The following DNAJC17 variants were observed in gnomAD, a reference collection of about 807,000 sequenced individuals.
DNAJC17 encodes the protein DnaJ heat shock protein family (Hsp40) member C17.
DNAJC17 carries 35 observed loss-of-function variants against 48.1 expected under a neutral mutation model. That is an observed-to-expected ratio of 0.73 (90% CI 0.56 to 0.96). The LOEUF is 0.96. Among genes scored for constraint, DNAJC17 ranks in the 50% least tolerant of loss-of-function variants. The pLI is 0.00. For missense variants in DNAJC17, 355 were observed against 377.1 expected, an observed-to-expected ratio of 0.94 and a Z score of 0.48; for synonymous variants, 117 against 142.7, an observed-to-expected ratio of 0.82 and a Z score of 1.28.
chr15:40,774,813 C>A (rs1889271719), intron 8 of DNAJC17, among the ~76,000 whole-genome samples: 1 of 152,148 alleles, frequency 6.6e-6, no homozygotes, highest in Non-Finnish European at 1.5e-5. Context: ...ACCGAGGTAG[C>A]AAAGGACAGC....
At chr15:40,776,371 A>C (rs764097170) in intron 5 of DNAJC17, 79 bp from the exon 6 acceptor site, 3 of 1,512,768 alleles carry the variant, frequency 2.0e-6, no homozygotes, top group Middle Eastern at 1.7e-4. Flanking sequence ...AGTCCTTGGG[A>C]GCTTCCACCT....
chr15:40,797,392 A>T (rs945997497), intron 1 of DNAJC17, among the ~76,000 whole-genome samples: 3 of 151,768 alleles, frequency 2.0e-5, no homozygotes, highest in Non-Finnish European at 4.4e-5. Flanking sequence ...AAATTCATAA[A>T]GTAGGGACTC....
chr15:40,798,891 G>A (rs866216126), intron 1 of DNAJC17, among the ~76,000 whole-genome samples: 3 of 152,140 alleles, frequency 2.0e-5, no homozygotes, highest in African/African-American at 4.8e-5. Context: ...TCTGGCAGCC[G>A]TGGTGCCCCG....
intron 6 of DNAJC17, among the ~76,000 whole-genome samples, chr15:40,775,898 C>T (rs1305482443): frequency 6.6e-6 from 1 of 152,180 alleles, no homozygotes; most frequent in African/African-American, 2.4e-5. Flanking sequence ...GTTCTACGGG[C>T]ACAAAGTGTC....
chr15:40,798,802 C>T (rs1270516764), intron 1 of DNAJC17, among the ~76,000 whole-genome samples: 1 of 152,174 alleles, frequency 6.6e-6, no homozygotes, highest in African/African-American at 2.4e-5. Flanking sequence ...ACTGCAGTCA[C>T]TCAGGTAATT....
intron 3 of DNAJC17, 78 bp from the exon 4 acceptor site, chr15:40,779,388 A>G (rs1889417158): frequency 1.3e-6 from 2 of 1,568,980 alleles, no homozygotes; most frequent in East Asian, 2.2e-5. Context: ...CCTGGCCCCT[A>G]GCCCACGAGC....
chr15:40,795,849 G>A (rs1889930236), intron 1 of DNAJC17, among the ~76,000 whole-genome samples: 1 of 152,188 alleles, frequency 6.6e-6, no homozygotes, highest in South Asian at 2.1e-4. Flanking sequence ...CCAAGATCGT[G>A]CCACTGCACT....
intron 1 of DNAJC17, 84 bp from the exon 2 acceptor site, chr15:40,780,081 TC>T: frequency 7.7e-7 from 1 of 1,299,974 alleles, no homozygotes; most frequent in Non-Finnish European, 1.1e-6. Flanking sequence ...GTAAGGGGAA[TC>T]CCATGCACAC....
intron 1 of DNAJC17, among the ~76,000 whole-genome samples, chr15:40,786,374 T>G (rs1194355982): frequency 3.3e-5 from 5 of 152,168 alleles, no homozygotes; most frequent in Non-Finnish European, 7.4e-5. Context: ...CTCCAGAAAC[T>G]GACTCTGGCC....
rs1485864650 is a variant in DNAJC17 at position 40,765,862 on chromosome 15, G to A, written c.*2078C>T. On this transcript the variant is annotated 3_prime_UTR_variant, in exon 11 of 11. Coordinates refer to ENST00000220496, the MANE Select transcript of DNAJC17 (RefSeq NM_018163.3). ...CCACTATGGTGGGCGATGAACAGTC[G>A]GATCCAGAGCTGATGCAGCATCTGG... 1.1e-5 allele frequency: 17 copies of A among 1,584,712 alleles called. No individual in the cohort carries two copies. Among genetic ancestry groups the A allele is most frequent in the African/African-American group, 2.7e-5 (2 of 74,282 alleles).
chr15:40,785,064 C>T (rs1260791542), intron 1 of DNAJC17, among the ~76,000 whole-genome samples: 2 of 152,106 alleles, frequency 1.3e-5, no homozygotes, highest in East Asian at 1.9e-4. Flanking sequence ...TGCCATTGCA[C>T]TCCAGCCTGG....
intron 1 of DNAJC17, chr15:40,792,519 A>G: frequency 1.0e-6 from 1 of 985,480 alleles, no homozygotes. Context: ...TGCTACAGAC[A>G]GAAGAGAAAG....
At chr15:40,783,379 C>T (rs1020115577) in intron 1 of DNAJC17, among the ~76,000 whole-genome samples, 2 of 150,338 alleles carry the variant, frequency 1.3e-5, no homozygotes. Context: ...CCTCTCTGAT[C>T]CTATCTCCAC....
chr15:40,776,510 T>C, intron 5 of DNAJC17, 32 bp downstream of exon 5: 1 of 1,612,590 alleles, frequency 6.2e-7, no homozygotes, highest in African/African-American at 1.3e-5. Context: ...CTCCTGCAGG[T>C]GGCCTTCTGG....
intron 4 of DNAJC17, among the ~76,000 whole-genome samples, chr15:40,778,327 C>G (rs1329942587): frequency 6.6e-6 from 1 of 152,112 alleles, no homozygotes; most frequent in Non-Finnish European, 1.5e-5. Context: ...GATCTCAGCT[C>G]ACTGCAACCT....
At chr15:40,774,238 G>A in intron 9 of DNAJC17, 118 bp downstream of exon 9, 3 of 1,182,882 alleles carry the variant, frequency 2.5e-6, no homozygotes, top group Non-Finnish European at 3.7e-6. Context: ...TTGGCTCTAA[G>A]CTGGCCTGGA....
intron 10 of DNAJC17, among the ~76,000 whole-genome samples, chr15:40,768,851 CAG>C (rs1214699194): frequency 6.6e-6 from 1 of 152,232 alleles, no homozygotes; most frequent in Admixed American, 6.5e-5. Flanking sequence ...AACAGCTTCT[CAG>C]AGAAGTGTGA....
At chr15:40,773,969 A>G in intron 9 of DNAJC17, 132 bp from the exon 10 acceptor site, 3 of 788,818 alleles carry the variant, frequency 3.8e-6, no homozygotes, top group Non-Finnish European at 6.1e-6. Flanking sequence ...GCAGCCTTCA[A>G]GTGATGGGTG....
chr15:40,773,686 CGAGACCT>C (rs755776727), intron 10 of DNAJC17, 34 bp downstream of exon 10: 3 of 1,538,296 alleles, frequency 2.0e-6, no homozygotes, highest in Middle Eastern at 1.7e-4. Context: ...GGAAGAGCTC[CGAGACCT>C]GAGCGCCCAG....
Sources: allele counts gnomAD v4.1 joint callset (sites outside exome capture counted in the v4.1 genomes callset), GRCh38; gene constraint gnomAD v4.1.1; transcripts MANE v1.5; gene names NCBI Gene and HGNC (gene_info 2026-07-23, HGNC 2026-07-21).